The following SS18 variants were observed in gnomAD, a reference collection of about 807,000 sequenced individuals.
SS18 encodes the protein SS18 subunit of BAF chromatin remodeling complex.
Under a neutral mutation model 72.5 loss-of-function variants are expected in SS18, and 28 were observed. The ratio of observed to expected loss-of-function variants is 0.39; its 90% CI spans 0.29 to 0.53. SS18 has a LOEUF of 0.53. Among genes scored for constraint, SS18 ranks in the 20% least tolerant of loss-of-function variants. The pLI is 0.76. For synonymous variants in SS18, 172 were observed against 164.2 expected (o/e 1.05, Z -0.37); for missense variants, 518 against 535.3 (o/e 0.97, Z 0.32).
At position 26,057,581 on chromosome 18, in the gene SS18, A is replaced by G. The variant is rs2054044183; in HGVS notation, c.385+8T>C. ...CTGGTGTTAATGTCTTAGAGGAGAA[A>G]AACTTACCAGGCATCTGGCCGTTCA... On this transcript the variant is annotated splice_region_variant and intron_variant, in intron 4 of 10. Transcript: ENST00000415083. The G allele has an allele frequency of 6.2e-7, 1 of 1,613,970 alleles. No individual in the cohort carries two copies. The highest frequency in any genetic ancestry group is 8.5e-7 in the Non-Finnish European group (1 of 1,180,030).
rs1332825016 is a variant in SS18 at position 26,090,588 on chromosome 18, A to G, written c.-19T>C. The G allele has an allele frequency of 4.5e-6, 7 of 1,567,992 alleles. No individual in the cohort carries two copies. Among genetic ancestry groups the G allele is most frequent in the Non-Finnish European group, 6.0e-6 (7 of 1,157,060 alleles). On this transcript the variant is annotated 5_prime_UTR_variant, in exon 1 of 11. Coordinates refer to ENST00000415083, the MANE Select transcript of SS18 (RefSeq NM_001007559.3). Reference sequence around the variant, plus strand: ...CAGACATGTTGCCGCCGTCACCACTATCGGCAAGTCCCGAGCGCTCCGGGT... The same window carrying G: ...CAGACATGTTGCCGCCGTCACCACTGTCGGCAAGTCCCGAGCGCTCCGGGT...
chr18:26,023,842 T>A (rs953406554), intron 10 of SS18, among the ~76,000 whole-genome samples: 15 of 105,294 alleles, frequency 1.4e-4, no homozygotes, highest in African/African-American at 1.4e-3. Context: ...ATTTAAAAAT[T>A]TTTTTTTCCT....
At chr18:26,082,936 A>C (rs2054552065) in intron 2 of SS18, among the ~76,000 whole-genome samples, 1 of 152,192 alleles carries the variant, frequency 6.6e-6, no homozygotes. Context: ...TTGTTAATTT[A>C]AAATTGGAGT....
In SS18 at chr18:26,033,251, C is replaced by T. The variant is rs139631285; in HGVS notation, c.1097-719G>A. Among the ~76,000 whole-genome samples the T allele has an allele frequency of 2.5e-3, 374 of 152,288 alleles. 1 individual carries two copies. The highest frequency in any genetic ancestry group is 8.4e-3 in the African/African-American group (350 of 41,544). The stretch of plus-strand genomic sequence containing the variant: ...TAGTTGGGCTTGGCGCAGTGGCTTA[C>T]GCCTGTAATCCCAGCACTCTGGGAG... On this transcript the variant is annotated intron_variant, in intron 9 of 10. Coordinates refer to ENST00000415083, the MANE Select transcript of SS18 (RefSeq NM_001007559.3).
intron 3 of SS18, among the ~76,000 whole-genome samples, chr18:26,076,413 CTT>C (rs1412024083): frequency 2.6e-5 from 4 of 151,860 alleles, no homozygotes; most frequent in Non-Finnish European, 5.9e-5. Context: ...GACAAAATAT[CTT>C]GTTTTTCCAA....
At chr18:26,033,650 A>G (rs2053581227) in intron 9 of SS18, among the ~76,000 whole-genome samples, 1 of 146,172 alleles carries the variant, frequency 6.8e-6, no homozygotes, top group African/African-American at 2.8e-5. Context: ...TAAATAAATT[A>G]TATCAGCCTA....
chr18:26,057,712 C>T lies in SS18; in HGVS notation c.262G>A (p.Gly88Arg), dbSNP rs1376591709. Residue 88 changes from glycine (G) to arginine (R), a missense_variant, in exon 4 of 11, where the codon GGA (glycine) becomes AGA (arginine). Transcript: ENST00000415083. ...GGAGGGCCGCTCTGATTCATCCCTC[C>T]AGGACCCATAGGCATATTCTGTGTG... ...PPTQNMPMGP[G>R]GMNQSGPPPP... is the part of the protein sequence containing the mutation. The T allele has an allele frequency of 1.9e-6, 3 of 1,613,754 alleles. No individual in the cohort carries two copies. The highest frequency in any genetic ancestry group is 1.3e-5 in the African/African-American group (1 of 74,896).
intron 4 of SS18, among the ~76,000 whole-genome samples, chr18:26,053,145 A>G (rs1230754360): frequency 6.6e-6 from 1 of 152,236 alleles, no homozygotes; most frequent in Non-Finnish European, 1.5e-5. Context: ...ATGAACATAA[A>G]TGAATAGACT....
intron 3 of SS18, among the ~76,000 whole-genome samples, chr18:26,072,262 GA>G (rs928456517): frequency 6.9e-6 from 1 of 144,542 alleles, no homozygotes; most frequent in Non-Finnish European, 1.5e-5. Context: ...CAACTAGAAA[GA>G]AAAAAAAGGA....
chr18:26,088,950 A>G (rs2054665599), intron 1 of SS18, among the ~76,000 whole-genome samples: 2 of 152,150 alleles, frequency 1.3e-5, no homozygotes, highest in Admixed American at 1.3e-4. Flanking sequence ...CCATTGGATG[A>G]CCAAAAAAAG....
chr18:26,031,262 T>C (rs111796656), intron 10 of SS18, among the ~76,000 whole-genome samples: 2,324 of 152,316 alleles, frequency 0.015, 64 homozygotes, highest in African/African-American at 0.053. Context: ...TCTGTTCTTA[T>C]GCTTTTTGTA....
intron 3 of SS18, among the ~76,000 whole-genome samples, chr18:26,062,128 C>T (rs1333544188): frequency 6.6e-6 from 1 of 151,920 alleles, no homozygotes; most frequent in Admixed American, 6.6e-5. Flanking sequence ...GGCATGGTGG[C>T]GGGCACCTGT....
chr18:26,088,708 T>C (rs1383114683), intron 1 of SS18, among the ~76,000 whole-genome samples: 1 of 152,174 alleles, frequency 6.6e-6, no homozygotes, highest in Non-Finnish European at 1.5e-5. Context: ...AGGGGCTGAT[T>C]CAGCTGTAAG....
At chr18:26,064,445 T>C (rs1400165910) in intron 3 of SS18, among the ~76,000 whole-genome samples, 1 of 152,158 alleles carries the variant, frequency 6.6e-6, no homozygotes, top group African/African-American at 2.4e-5. Context: ...CAATGAAATT[T>C]ATTACAGGAA....
At chr18:26,056,076 T>C (rs2054016055) in intron 4 of SS18, among the ~76,000 whole-genome samples, 3 of 152,138 alleles carry the variant, frequency 2.0e-5, no homozygotes, top group Admixed American at 2.0e-4. Context: ...TCTTAACTAT[T>C]GTTTCGGAAG....
At chr18:26,030,873 G>A (rs1053165976) in intron 10 of SS18, among the ~76,000 whole-genome samples, 14 of 152,088 alleles carry the variant, frequency 9.2e-5, no homozygotes, top group Admixed American at 8.5e-4. Flanking sequence ...ATGAATCAAT[G>A]TAAACGCGAG....
At chr18:26,080,212 T>C (rs922680855) in intron 2 of SS18, 12 of 328,812 alleles carry the variant, frequency 3.6e-5, no homozygotes, top group Middle Eastern at 1.6e-3. Flanking sequence ...TTCATTATTC[T>C]GTAGAGATCT....
Position 26,032,460 on chromosome 18 carries a change from T to C in SS18, c.1169A>G (p.Tyr390Cys), listed in dbSNP as rs2053559941. 1 of 1,613,836 alleles carries C rather than the reference T, an allele frequency of 6.2e-7. No individual in the cohort carries two copies. The highest frequency in any genetic ancestry group is 1.1e-5 in the South Asian group (1 of 91,070). ...TGGTGGTCCAGGCTGTGTTGGTCTA[T>C]ATCCTCCATACTGCTGACCTTGTCC... is the stretch of plus-strand genomic sequence containing the variant. ...PQGQGQQYGGYRPTQPGPPQP... is the reference protein window; with the variant it reads ...PQGQGQQYGGCRPTQPGPPQP... The change falls in exon 10 of 11, where the codon TAT (tyrosine) becomes TGT (cysteine). Residue 390 changes from tyrosine to cysteine, a missense_variant. Transcript: ENST00000415083.
At chr18:26,030,695 G>A (rs2053528509) in intron 10 of SS18, among the ~76,000 whole-genome samples, 1 of 152,052 alleles carries the variant, frequency 6.6e-6, no homozygotes, top group African/African-American at 2.4e-5. Context: ...AAAGACAAGA[G>A]ATGTTCTGTA....
Sources: gnomAD v4.1 joint callset for allele counts (sites outside exome capture counted in the v4.1 genomes callset) on GRCh38, gnomAD v4.1.1 for gene constraint, MANE v1.5 for transcripts, NCBI Gene and HGNC (gene_info 2026-07-23, HGNC 2026-07-21) for gene names.